Variants in GABRB3 observed in about 807,000 individuals in gnomAD.
GABRB3 encodes the protein gamma-aminobutyric acid receptor subunit beta-3.
GABRB3 carries 14 observed loss-of-function variants against 52.1 expected under a neutral mutation model. The observed-to-expected ratio is 0.27, with a 90% CI of 0.18 to 0.42. GABRB3 has a LOEUF of 0.42. GABRB3 is among the 10% of genes least tolerant of loss of function. The pLI is 1.00. For synonymous variants in GABRB3, 260 were observed against 232.3 expected, an observed-to-expected ratio of 1.12 and a Z score of -1.08; for missense variants, 307 against 609.1, an observed-to-expected ratio of 0.50 and a Z score of 5.22.
chr15:26,634,999 TATATATATATA>T (rs199752350), intron 3 of GABRB3, among the ~76,000 whole-genome samples: 353 of 5,756 alleles, frequency 0.061, 19 homozygotes, highest in East Asian at 0.52. Flanking sequence ...TATATATATA[TATATATATATA>T]ATATATATAT....
chr15:26,597,414 A>G (rs1275525244), intron 4 of GABRB3, among the ~76,000 whole-genome samples: 1 of 152,168 alleles, frequency 6.6e-6, no homozygotes, highest in Non-Finnish European at 1.5e-5. Context: ...ACAAGGAGTA[A>G]TGGTGCCTAC....
At chr15:26,773,184 G>A (rs1383076352), upstream of GABRB3, 3 of 197,262 alleles carry the variant, frequency 1.5e-5, no homozygotes, top group Non-Finnish European at 1.9e-5. Context: ...GGAGGAGGCC[G>A]GAGAGTCGGA....
At chr15:26,765,873 C>G (rs1055973904) in intron 3 of GABRB3, among the ~76,000 whole-genome samples, 5 of 152,168 alleles carry the variant, frequency 3.3e-5, no homozygotes, top group Non-Finnish European at 5.9e-5. Flanking sequence ...CTTAATGGAG[C>G]ATCTTTTGTT....
At chr15:26,636,266 C>A (rs1893057534) in intron 3 of GABRB3, among the ~76,000 whole-genome samples, 1 of 152,150 alleles carries the variant, frequency 6.6e-6, no homozygotes, top group Admixed American at 6.5e-5. Context: ...GGTAGCTGGC[C>A]CTGCTTGTGA....
rs538474226 is a variant in GABRB3 at position 26,649,110 on chromosome 15, C to T, written c.241-27576G>A. Among the ~76,000 whole-genome samples, 24 of 152,218 alleles carry T rather than the reference C, an allele frequency of 1.6e-4. No homozygotes were observed. The South Asian group carries it at 2.9e-3, about 18-fold the overall frequency. ...GATCCAGAAGCTGGGTCATTTGCTA[C>T]GGTGAGAAGCATTGCTACGATATGC... On this transcript the variant is annotated intron_variant, in intron 3 of 8. Coordinates refer to ENST00000311550, the MANE Select transcript of GABRB3 (RefSeq NM_000814.6).
At chr15:26,755,287 G>A (rs1188131900) in intron 3 of GABRB3, among the ~76,000 whole-genome samples, 1 of 152,066 alleles carries the variant, frequency 6.6e-6, no homozygotes, top group Non-Finnish European at 1.5e-5. Context: ...TTACAGGTGT[G>A]AGCCACCGCA....
At chr15:26,733,929 C>T (rs551717735) in intron 3 of GABRB3, among the ~76,000 whole-genome samples, 2 of 150,548 alleles carry the variant, frequency 1.3e-5, no homozygotes, top group African/African-American at 4.9e-5. Flanking sequence ...TATCCACATG[C>T]AAAAGAATGA....
At chr15:26,768,622 GCAGA>G (rs758633828) in intron 3 of GABRB3, among the ~76,000 whole-genome samples, 3 of 152,002 alleles carry the variant, frequency 2.0e-5, no homozygotes, top group Non-Finnish European at 2.9e-5. Context: ...GTAATTTTCA[GCAGA>G]CAGTGTTATT....
intron 3 of GABRB3, among the ~76,000 whole-genome samples, chr15:26,710,111 CCTTCT>C (rs1450761498): frequency 6.6e-5 from 10 of 152,268 alleles, no homozygotes; most frequent in African/African-American, 2.4e-4. Context: ...GTTGCATGTA[CCTTCT>C]CTTTATTGCC....
upstream of GABRB3, among the ~76,000 whole-genome samples, chr15:26,773,490 C>T (rs1891219910): frequency 6.6e-6 from 1 of 151,806 alleles, no homozygotes; most frequent in South Asian, 2.1e-4. Context: ...GAAACGCTGC[C>T]CGCCTACCCC....
intron 3 of GABRB3, among the ~76,000 whole-genome samples, chr15:26,650,780 C>A (rs1179503530): frequency 2.0e-5 from 3 of 152,126 alleles, no homozygotes; most frequent in African/African-American, 7.2e-5. Flanking sequence ...TCAGCATGCA[C>A]TTCCCATCCT....
At chr15:26,623,957 C>A (rs566120388) in intron 3 of GABRB3, among the ~76,000 whole-genome samples, 2 of 152,268 alleles carry the variant, frequency 1.3e-5, no homozygotes, top group African/African-American at 2.4e-5. Context: ...CCTGATCTGT[C>A]GGCCTTGCCT....
chr15:26,761,510 G>A (rs927820563), intron 3 of GABRB3, among the ~76,000 whole-genome samples: 8 of 151,784 alleles, frequency 5.3e-5, no homozygotes, highest in African/African-American at 1.9e-4. Context: ...CATTTTATAT[G>A]TAAATATATC....
intron 3 of GABRB3, among the ~76,000 whole-genome samples, chr15:26,731,300 A>T (rs1340738029): frequency 6.6e-6 from 1 of 152,242 alleles, no homozygotes; most frequent in Non-Finnish European, 1.5e-5. Context: ...TGAGCATTTT[A>T]ACTGAGGTTT....
rs368953700 is a variant in GABRB3, at chr15:26,564,545, C to T, written c.835+3036G>A. On this transcript the variant is annotated intron_variant, in intron 7 of 8. Transcript: ENST00000311550. ...ATAGAGGCCTCTGCCGAGCCCCACCCGTCCTAGCTATGCAGAGGCAGCACC... is the reference window on the plus strand; with the variant it reads ...ATAGAGGCCTCTGCCGAGCCCCACCTGTCCTAGCTATGCAGAGGCAGCACC... 2.2e-4 allele frequency among the ~76,000 whole-genome samples: 33 copies of T among 152,324 alleles called. No homozygotes were observed. The East Asian group carries it at 4.8e-3, about 22-fold the overall frequency.
intron 4 of GABRB3, chr15:26,613,664 T>C (rs1892156943): frequency 1.3e-5 from 2 of 152,142 alleles, no homozygotes; most frequent in Admixed American, 6.6e-5. Flanking sequence ...ACAGAAACCA[T>C]TCTTTTCTCA....
At chr15:26,726,519 A>G (rs761215221) in intron 3 of GABRB3, among the ~76,000 whole-genome samples, 4 of 152,168 alleles carry the variant, frequency 2.6e-5, no homozygotes, top group East Asian at 1.9e-4. Flanking sequence ...CACTTCCTCA[A>G]TCTGTCTTTG....
intron 3 of GABRB3, 190 bp downstream of exon 3, chr15:26,772,212 C>G: frequency 2.0e-6 from 1 of 502,268 alleles, no homozygotes; most frequent in Non-Finnish European, 3.4e-6. Context: ...CCAGCCAGGC[C>G]CCCGAGCGCC....
chr15:26,567,808 G>T, intron 6 of GABRB3, 75 bp from the exon 7 acceptor site: 7 of 1,431,146 alleles, frequency 4.9e-6, no homozygotes, highest in Non-Finnish European at 6.9e-6. Context: ...GACTTCCATA[G>T]GTCAACAACA....
Sources: gnomAD v4.1 joint callset for allele counts (sites outside exome capture counted in the v4.1 genomes callset) on GRCh38, gnomAD v4.1.1 for gene constraint, MANE v1.5 for transcripts, NCBI Gene and HGNC (gene_info 2026-07-23, HGNC 2026-07-21) for gene names.